The following SEMA3C variants were observed in gnomAD, a reference collection of about 807,000 sequenced individuals.
SEMA3C encodes semaphorin 3C, also known as semaphorin-3C.
A neutral mutation model predicts 89.4 loss-of-function variants in SEMA3C; 47 were observed. The observed-to-expected ratio is 0.53, with a 90% CI of 0.42 to 0.67. SEMA3C has a LOEUF of 0.67. Among genes scored for constraint, SEMA3C ranks in the 30% least tolerant of loss-of-function variants. The pLI is 0.00. For synonymous variants in SEMA3C, 310 were observed against 320.2 expected (o/e 0.97, Z 0.34); for missense variants, 839 against 929.1 (o/e 0.90, Z 1.26).
At chr7:80,841,585 G>A (rs918199711) in intron 2 of SEMA3C, among the ~76,000 whole-genome samples, 3 of 151,990 alleles carry the variant, frequency 2.0e-5, no homozygotes, top group African/African-American at 7.2e-5. Context: ...GCTATATGTT[G>A]GCAAAAAATC....
chr7:80,751,139 C>T, intron 16 of SEMA3C, 130 bp downstream of exon 16: 5 of 699,568 alleles, frequency 7.1e-6, no homozygotes, highest in Admixed American at 2.6e-5. Context: ...TATATAAATA[C>T]CCAGAATTGT....
At chr7:80,915,814 ATTGT>A (rs930898688) in intron 2 of SEMA3C, 4 of 151,832 alleles carry the variant, frequency 2.6e-5, no homozygotes, top group African/African-American at 9.7e-5. Context: ...CTGAGAATAT[ATTGT>A]TTATCAAATG....
At chr7:80,841,702 G>C (rs373258657) in intron 2 of SEMA3C, among the ~76,000 whole-genome samples, 1 of 152,084 alleles carries the variant, frequency 6.6e-6, no homozygotes, top group African/African-American at 2.4e-5. Context: ...AAAAATTCTT[G>C]AACTATGCTT....
chr7:80,745,909 T>C (rs1787789728), intron 17 of SEMA3C, among the ~76,000 whole-genome samples: 1 of 152,154 alleles, frequency 6.6e-6, no homozygotes, highest in Admixed American at 6.6e-5. Flanking sequence ...AATGTCATCA[T>C]CTTTTAAGTC....
At chr7:80,874,770 T>C (rs951121017) in intron 2 of SEMA3C, among the ~76,000 whole-genome samples, 1 of 151,996 alleles carries the variant, frequency 6.6e-6, no homozygotes, top group Non-Finnish European at 1.5e-5. Flanking sequence ...GTCAGGCCCA[T>C]AGCAAGTTAT....
At chr7:80,834,842 G>A (rs1219216319) in intron 2 of SEMA3C, among the ~76,000 whole-genome samples, 1 of 152,074 alleles carries the variant, frequency 6.6e-6, no homozygotes, top group Non-Finnish European at 1.5e-5. Flanking sequence ...ATCATCTCCA[G>A]ATTACATAAA....
At chr7:80,766,444 C>T (rs944476520) in intron 12 of SEMA3C, among the ~76,000 whole-genome samples, 4 of 152,184 alleles carry the variant, frequency 2.6e-5, no homozygotes, top group South Asian at 2.1e-4. Context: ...AGGCATACGC[C>T]GGGTAAATGA....
intron 4 of SEMA3C, among the ~76,000 whole-genome samples, chr7:80,821,367 C>T (rs1258152960): frequency 6.6e-6 from 1 of 152,120 alleles, no homozygotes; most frequent in African/African-American, 2.4e-5. Flanking sequence ...ACATTGAATC[C>T]TGTACTTTTA....
chr7:80,764,655 GACA>G (rs1788256746), intron 13 of SEMA3C, among the ~76,000 whole-genome samples: 1 of 152,120 alleles, frequency 6.6e-6, no homozygotes, highest in South Asian at 2.1e-4. Context: ...GTGGTAAAGA[GACA>G]ACATTTGTTT....
chr7:80,911,587 G>C (rs530875120), intron 2 of SEMA3C, among the ~76,000 whole-genome samples: 1 of 151,138 alleles, frequency 6.6e-6, no homozygotes, highest in African/African-American at 2.4e-5. Context: ...AACATGTTTA[G>C]GCATGTCTAT....
intron 2 of SEMA3C, among the ~76,000 whole-genome samples, chr7:80,876,623 A>C (rs925700239): frequency 1.3e-5 from 2 of 152,228 alleles, no homozygotes; most frequent in South Asian, 2.1e-4. Flanking sequence ...AATGTTACCA[A>C]ATTATTTAAG....
At chr7:80,781,411 C>T (rs1788687934) in intron 12 of SEMA3C, among the ~76,000 whole-genome samples, 1 of 152,212 alleles carries the variant, frequency 6.6e-6, no homozygotes, top group Non-Finnish European at 1.5e-5. Flanking sequence ...TCCTCAGAAA[C>T]TCTGTTTTCA....
At chr7:80,916,578 A>T in intron 2 of SEMA3C, 101 bp downstream of exon 2, 1 of 1,013,690 alleles carries the variant, frequency 9.9e-7, no homozygotes, top group Non-Finnish European at 1.4e-6. Context: ...TTTTAAAATT[A>T]ATATCCAGTA....
intron 15 of SEMA3C, among the ~76,000 whole-genome samples, chr7:80,757,731 G>A (rs898121146): frequency 2.0e-5 from 3 of 152,196 alleles, no homozygotes; most frequent in African/African-American, 7.2e-5. Flanking sequence ...AGCACTTTGG[G>A]AGGCCAAGGC....
chr7:80,776,285 AAAAG>A (rs1463024378), intron 12 of SEMA3C, among the ~76,000 whole-genome samples: 3 of 152,048 alleles, frequency 2.0e-5, no homozygotes, highest in Non-Finnish European at 2.9e-5. Flanking sequence ...AAAAAAAAAA[AAAAG>A]AAAGAAAATA....
chr7:80,802,191 C>G (rs1181666099), intron 9 of SEMA3C, among the ~76,000 whole-genome samples: 1 of 152,058 alleles, frequency 6.6e-6, no homozygotes, highest in Non-Finnish European at 1.5e-5. Flanking sequence ...ATCTCAGAGT[C>G]ACCAAGCAGA....
chr7:80,828,500 G>T, intron 3 of SEMA3C, 85 bp downstream of exon 3: 2 of 1,079,302 alleles, frequency 1.9e-6, no homozygotes, highest in Non-Finnish European at 1.3e-6. Context: ...CTAATAAAAT[G>T]CATATTATTT....
chr7:80,862,390 C>T (rs1222853350), intron 2 of SEMA3C, among the ~76,000 whole-genome samples: 2 of 151,962 alleles, frequency 1.3e-5, no homozygotes, highest in Non-Finnish European at 2.9e-5. Flanking sequence ...ACCAAGGAGT[C>T]AAAAGACCTC....
intron 17 of SEMA3C, among the ~76,000 whole-genome samples, chr7:80,746,502 C>G (rs1392200715): frequency 6.6e-6 from 1 of 151,724 alleles, no homozygotes; most frequent in Non-Finnish European, 1.5e-5. Flanking sequence ...TATGGTAAAT[C>G]CATTAAACAT....
Sources: gnomAD v4.1 joint callset for allele counts (sites outside exome capture counted in the v4.1 genomes callset) on GRCh38, gnomAD v4.1.1 for gene constraint, MANE v1.5 for transcripts, NCBI Gene and HGNC (gene_info 2026-07-23, HGNC 2026-07-21) for gene names.